The following TRAPPC3L variants were observed in gnomAD, a reference collection of about 807,000 sequenced individuals.
TRAPPC3L encodes the protein trafficking protein particle complex subunit 3-like protein.
A neutral mutation model predicts 23.7 loss-of-function variants in TRAPPC3L; 23 were observed. The ratio of observed to expected loss-of-function variants is 0.97; its 90% CI spans 0.70 to 1.37. The LOEUF is 1.37. Ranked by LOEUF, TRAPPC3L falls within the 40% of genes most tolerant of loss-of-function variation. TRAPPC3L has a pLI of 0.00. For synonymous variants in TRAPPC3L, 81 were observed against 77.9 expected (o/e 1.04, Z -0.21); for missense variants, 212 against 216.8 (o/e 0.98, Z 0.14).
intron 3 of TRAPPC3L, among the ~76,000 whole-genome samples, chr6:116,533,842 C>G (rs1375009470): frequency 6.6e-6 from 1 of 152,194 alleles, no homozygotes; most frequent in Non-Finnish European, 1.5e-5. Context: ...CCTTTCCTTC[C>G]TAACTTGCTA....
chr6:116,538,310 C>T (rs560959570), intron 3 of TRAPPC3L, among the ~76,000 whole-genome samples: 12 of 152,292 alleles, frequency 7.9e-5, no homozygotes, highest in Non-Finnish European at 1.5e-4. Context: ...AGGGCATTTA[C>T]GGTATTGAGC....
intron 2 of TRAPPC3L, 138 bp from the exon 3 acceptor site, chr6:116,540,600 T>A (rs1310853267): frequency 1.2e-6 from 1 of 815,966 alleles, no homozygotes; most frequent in Non-Finnish European, 1.9e-6. Context: ...GTCAAATGGC[T>A]TTTGGCTGTG....
intron 3 of TRAPPC3L, among the ~76,000 whole-genome samples, chr6:116,513,782 A>G (rs930695520): frequency 6.6e-6 from 1 of 152,218 alleles, no homozygotes; most frequent in African/African-American, 2.4e-5. Context: ...TGGGGCAGAT[A>G]AAAAATCTAG....
chr6:116,519,798 G>A (rs1772296443), intron 3 of TRAPPC3L: 1 of 152,180 alleles, frequency 6.6e-6, no homozygotes, highest in Non-Finnish European at 1.5e-5. Flanking sequence ...TGCTGATTCT[G>A]TCCAATTTAT....
chr6:116,502,676 C>T (rs745703092), intron 3 of TRAPPC3L, among the ~76,000 whole-genome samples: 2 of 152,238 alleles, frequency 1.3e-5, no homozygotes, highest in Non-Finnish European at 2.9e-5. Context: ...CAGCAGATTT[C>T]TTGGCAGAAA....
intron 3 of TRAPPC3L, among the ~76,000 whole-genome samples, chr6:116,536,924 C>T (rs1773132028): frequency 1.3e-5 from 2 of 152,140 alleles, no homozygotes; most frequent in African/African-American, 4.8e-5. Flanking sequence ...AATGCTGCCA[C>T]AGGCCCGACG....
chr6:116,510,138 T>G (rs749461386), intron 3 of TRAPPC3L, among the ~76,000 whole-genome samples: 3 of 152,144 alleles, frequency 2.0e-5, no homozygotes, highest in Non-Finnish European at 2.9e-5. Context: ...ACCACCTTAT[T>G]CCAGTAATAA....
intron 3 of TRAPPC3L, among the ~76,000 whole-genome samples, chr6:116,505,938 C>T (rs923099748): frequency 6.6e-6 from 1 of 152,108 alleles, no homozygotes; most frequent in African/African-American, 2.4e-5. Context: ...TAGGCAATAC[C>T]ATTCAGGACA....
chr6:116,514,575 A>G (rs1772185124), intron 3 of TRAPPC3L, among the ~76,000 whole-genome samples: 1 of 152,214 alleles, frequency 6.6e-6, no homozygotes, highest in Admixed American at 6.5e-5. Context: ...TCGTTTCACA[A>G]GTGAAGAAAC....
At chr6:116,520,130 G>A (rs1464219963) in intron 3 of TRAPPC3L, 1 of 152,122 alleles carries the variant, frequency 6.6e-6, no homozygotes. Context: ...TACATTTAAT[G>A]AGAAAACGAT....
intron 3 of TRAPPC3L, chr6:116,512,351 A>G (rs1772139428): frequency 1.7e-6 from 2 of 1,186,720 alleles, no homozygotes; most frequent in Non-Finnish European, 2.3e-6. Flanking sequence ...ACTAAATGGA[A>G]ACTGAAACAT....
At chr6:116,537,930 T>G (rs1773197689) in intron 3 of TRAPPC3L, among the ~76,000 whole-genome samples, 1 of 152,214 alleles carries the variant, frequency 6.6e-6, no homozygotes, top group South Asian at 2.1e-4. Flanking sequence ...AGCTCTGTAA[T>G]TTTCCTGTGG....
intron 3 of TRAPPC3L, chr6:116,519,532 T>A (rs1772291809): frequency 6.6e-6 from 1 of 152,248 alleles, no homozygotes; most frequent in Non-Finnish European, 1.5e-5. Context: ...GGGCACCCAA[T>A]GGTCATACTA....
chr6:116,542,473 G>A (rs1213342458), intron 2 of TRAPPC3L, among the ~76,000 whole-genome samples: 2 of 151,960 alleles, frequency 1.3e-5, no homozygotes, highest in Non-Finnish European at 2.9e-5. Flanking sequence ...AAAATGTTAG[G>A]CTAAATTTCC....
At chr6:116,518,578 C>A (rs1298357494) in intron 3 of TRAPPC3L, 1 of 152,092 alleles carries the variant, frequency 6.6e-6, no homozygotes, top group Admixed American at 6.6e-5. Flanking sequence ...TCTTTCTTGA[C>A]TTAAAGTTTG....
Position 116,500,475 on chromosome 6 carries a change from C to T in TRAPPC3L, c.426+6G>A, listed in dbSNP as rs1771894104. The T allele has an allele frequency of 1.3e-6, 2 of 1,545,642 alleles. No individual in the cohort carries two copies. The highest frequency in any genetic ancestry group is 4.1e-5 in the Admixed American group (2 of 49,322). On this transcript the variant is annotated splice_donor_region_variant and intron_variant, in intron 4 of 4. Transcript: ENST00000368602. ...CTTCATTCATTCTTCACTTATTCAA[C>T]TTTACCATTTCCAAGGCACCTCTGA...
chr6:116,499,348 C>T (rs192507919), intron 4 of TRAPPC3L, among the ~76,000 whole-genome samples: 1 of 152,082 alleles, frequency 6.6e-6, no homozygotes, highest in East Asian at 1.9e-4. Context: ...TCCAAAGTGC[C>T]CTAATCCTTT....
At chr6:116,523,712 G>T (rs767212821) in intron 3 of TRAPPC3L, 1 of 152,120 alleles carries the variant, frequency 6.6e-6, no homozygotes, top group Non-Finnish European at 1.5e-5. Flanking sequence ...GTGAAATATT[G>T]TTTCCTAAGA....
intron 3 of TRAPPC3L, chr6:116,520,784 A>G (rs927281554): frequency 1.3e-5 from 2 of 152,372 alleles, no homozygotes; most frequent in African/African-American, 4.8e-5. Context: ...TGGATTTCAA[A>G]CAGTAGAGTA....
Sources: gnomAD v4.1 joint callset for allele counts (sites outside exome capture counted in the v4.1 genomes callset) on GRCh38, gnomAD v4.1.1 for gene constraint, MANE v1.5 for transcripts, NCBI Gene and HGNC (gene_info 2026-07-23, HGNC 2026-07-21) for gene names.